The following NRG3 variants were observed in gnomAD, a reference collection of about 807,000 sequenced individuals.
NRG3 encodes the protein neuregulin 3, also known as pro-neuregulin-3, membrane-bound isoform.
NRG3 carries 31 observed loss-of-function variants against 66.9 expected under a neutral mutation model. The observed-to-expected ratio is 0.46, with a 90% CI of 0.35 to 0.63. The LOEUF (loss-of-function observed/expected upper bound fraction) is 0.63. Ranked by LOEUF, NRG3 falls within the 20% of genes least tolerant of loss-of-function variation. The pLI, the probability that NRG3 is intolerant of heterozygous loss-of-function variation, is 0.00. For missense variants in NRG3, 910 were observed against 878.9 expected (o/e 1.04, Z -0.45); for synonymous variants, 393 against 359.4 (o/e 1.09, Z -1.06).
chr10:82,343,309 A>G (rs1014993073), intron 1 of NRG3, among the ~76,000 whole-genome samples: 2 of 152,092 alleles, frequency 1.3e-5, no homozygotes, highest in African/African-American at 2.4e-5. Flanking sequence ...CCTATTTACA[A>G]TCGTTACAAA....
At position 82,118,744 on chromosome 10, in the gene NRG3, A is replaced by G. The variant is rs531447143; in HGVS notation, c.824-239995A>G. ...AGTAAATGATTTTTTTTTCTTTGCAATAGATGTGGAAAGTTAATAAAAAAC... is the reference window on the plus strand; with the variant it reads ...AGTAAATGATTTTTTTTTCTTTGCAGTAGATGTGGAAAGTTAATAAAAAAC... On this transcript the variant is annotated intron_variant, in intron 1 of 8. Coordinates refer to ENST00000372141, the MANE Select transcript of NRG3 (RefSeq NM_001010848.4). Among the ~76,000 whole-genome samples the G allele has an allele frequency of 6.6e-5, 10 of 151,978 alleles. No homozygotes were observed. The East Asian group carries it at 1.9e-3, about 29-fold the overall frequency.
chr10:82,715,487 G>A (rs530983824), intron 2 of NRG3, among the ~76,000 whole-genome samples: 25 of 151,938 alleles, frequency 1.6e-4, no homozygotes, highest in South Asian at 1.2e-3. Context: ...ATTCTAGAAC[G>A]GTACATTTTA....
At chr10:82,135,299 G>T (rs1296549205) in intron 1 of NRG3, among the ~76,000 whole-genome samples, 1 of 151,870 alleles carries the variant, frequency 6.6e-6, no homozygotes, top group Non-Finnish European at 1.5e-5. Flanking sequence ...TAGTTTGATT[G>T]TTAAATGTCT....
intron 1 of NRG3, among the ~76,000 whole-genome samples, chr10:81,892,636 T>G (rs1159300021): frequency 1.3e-5 from 2 of 151,990 alleles, no homozygotes; most frequent in African/African-American, 4.8e-5. Context: ...TACGTGGAGA[T>G]AGAGAGTAGA....
Position 81,875,893 on chromosome 10 carries a change from C to A in NRG3, c.553C>A (p.Arg185=). 1 of 1,612,242 alleles carries A rather than the reference C, an allele frequency of 6.2e-7. No individual in the cohort carries two copies. Among genetic ancestry groups the A allele is most frequent in the South Asian group, 1.1e-5 (1 of 91,070 alleles). Residue 185 remains arginine, a synonymous_variant, in exon 1 of 9, where the codon CGG becomes AGG. Transcript: ENST00000372141. This position sits in a 1 kb window ranked among gnomAD's most constrained non-coding sequence, Gnocchi z 5.3. ...GGCCAGCCCGCGCTCCACCACAGCA[C>A]GGAACACTGCGGCCCCTGCGACGGT... ...IRASPRSTTA[R]NTAAPATVPS...
At chr10:82,208,131 C>T (rs1158954117) in intron 1 of NRG3, among the ~76,000 whole-genome samples, 1 of 152,016 alleles carries the variant, frequency 6.6e-6, no homozygotes, top group Non-Finnish European at 1.5e-5. Context: ...TAACTTAAGT[C>T]TCATCGATAT....
At chr10:81,993,946 A>G (rs776269120) in intron 1 of NRG3, among the ~76,000 whole-genome samples, 2 of 152,190 alleles carry the variant, frequency 1.3e-5, no homozygotes, top group South Asian at 4.1e-4. Flanking sequence ...CCAGTGCTGT[A>G]CTTACTTTCC....
intron 1 of NRG3, among the ~76,000 whole-genome samples, chr10:82,255,733 G>T (rs2077693543): frequency 6.6e-6 from 1 of 151,972 alleles, no homozygotes; most frequent in South Asian, 2.1e-4. Flanking sequence ...CTCCCAAGTA[G>T]CTGGGATTAC....
chr10:82,604,250 T>A (rs182490963), intron 2 of NRG3, among the ~76,000 whole-genome samples: 5 of 152,228 alleles, frequency 3.3e-5, no homozygotes. Context: ...ACTATCTACA[T>A]AGTTTTGGTT....
chr10:82,004,614 C>T lies in NRG3; in HGVS notation c.823+128451C>T, dbSNP rs150916522. Among the ~76,000 whole-genome samples, 229 of 152,308 alleles carry T rather than the reference C, an allele frequency of 1.5e-3. 1 individual carries two copies. Among genetic ancestry groups the T allele is most frequent in the Middle Eastern group, 3.4e-3 (1 of 294 alleles). On this transcript the variant is annotated intron_variant, in intron 1 of 8. Transcript: ENST00000372141. ...GGCTTTGGTTTAAATTGTTTCCTCT[C>T]TCCTTTTTCTAAATGTGTATGTTAA...
chr10:82,453,298 G>A (rs556274153), intron 2 of NRG3, among the ~76,000 whole-genome samples: 2 of 152,234 alleles, frequency 1.3e-5, no homozygotes, highest in African/African-American at 2.4e-5. Context: ...GCCGTATTAT[G>A]AGTAAATTGT....
intron 1 of NRG3, among the ~76,000 whole-genome samples, chr10:82,323,489 CTT>C (rs112236835): frequency 5.4e-4 from 74 of 136,554 alleles, no homozygotes; most frequent in Admixed American, 6.6e-4. Flanking sequence ...ACATATTATC[CTT>C]TTTTTTTTTT....
In NRG3 at chr10:82,120,819, C is replaced by T. The variant is rs74144157; in HGVS notation, c.824-237920C>T. On this transcript the variant is annotated intron_variant, in intron 1 of 8. Coordinates refer to ENST00000372141, the MANE Select transcript of NRG3 (RefSeq NM_001010848.4). ...TTGCCAAGAGCTGGAGATTCAGGGT[C>T]ATGGATATGCTTCCCACAGCTCCTT... Among the ~76,000 whole-genome samples, 1,323 of 152,144 alleles carry T rather than the reference C, an allele frequency of 8.7e-3. 19 individuals are homozygous for T. Among genetic ancestry groups the T allele is most frequent in the African/African-American group, 0.03 (1,240 of 41,536 alleles).
At chr10:82,432,091 C>G (rs1296909545) in intron 2 of NRG3, among the ~76,000 whole-genome samples, 1 of 152,050 alleles carries the variant, frequency 6.6e-6, no homozygotes, top group African/African-American at 2.4e-5. Flanking sequence ...AGAGGGAGGT[C>G]CATTAGAGAA....
At chr10:82,182,897 A>G (rs1370438093) in intron 1 of NRG3, among the ~76,000 whole-genome samples, 1 of 151,918 alleles carries the variant, frequency 6.6e-6, no homozygotes, top group Non-Finnish European at 1.5e-5. Flanking sequence ...TGCCAGGTAT[A>G]ATATTCTTGT....
intron 4 of NRG3, among the ~76,000 whole-genome samples, chr10:82,946,216 A>C (rs1231030960): frequency 2.6e-5 from 4 of 151,434 alleles, no homozygotes; most frequent in Non-Finnish European, 1.5e-5. Flanking sequence ...AGATTTAAAA[A>C]AAAAAAAAAA....
chr10:82,932,183 T>C (rs1404168635), intron 4 of NRG3, among the ~76,000 whole-genome samples: 2 of 152,134 alleles, frequency 1.3e-5, no homozygotes, highest in African/African-American at 2.4e-5. Context: ...TGTTTTCCTC[T>C]CTATGGCGGC....
intron 2 of NRG3, among the ~76,000 whole-genome samples, chr10:82,364,749 G>T (rs1457302005): frequency 2.0e-5 from 3 of 152,194 alleles, no homozygotes; most frequent in Non-Finnish European, 4.4e-5. Flanking sequence ...GACCTGTATT[G>T]ACCATTTTGG....
At chr10:82,419,077 C>T (rs17100050) in intron 2 of NRG3, among the ~76,000 whole-genome samples, 2,679 of 152,138 alleles carry the variant, frequency 0.018, 38 homozygotes, top group Non-Finnish European at 0.027. Context: ...AAACCAAGAG[C>T]GCTACTGATG....
Sources: allele counts gnomAD v4.1 joint callset (sites outside exome capture counted in the v4.1 genomes callset), GRCh38; gene constraint gnomAD v4.1.1; non-coding constraint Gnocchi (gnomAD v3.1); transcripts MANE v1.5; gene names NCBI Gene and HGNC (gene_info 2026-07-23, HGNC 2026-07-21).